ZFHX3: variants seen among roughly 807,000 people sequenced by gnomAD.
The protein encoded by ZFHX3 is zinc finger homeobox 3, also known as zinc finger homeobox protein 3.
In ZFHX3, 42 loss-of-function variants were observed where a neutral mutation model predicts 279.1. The ratio of observed to expected loss-of-function variants is 0.15; its 90% CI spans 0.12 to 0.19. The LOEUF (loss-of-function observed/expected upper bound fraction) is 0.19. Ranked by LOEUF, ZFHX3 falls within the 10% of genes least tolerant of loss-of-function variation. ZFHX3 has a pLI of 1.00. For missense variants in ZFHX3, 4,981 were observed against 4,754.0 expected, an observed-to-expected ratio of 1.05 and a Z score of -1.40; for synonymous variants, 2,293 against 1,957.8, an observed-to-expected ratio of 1.17 and a Z score of -4.52.
intron 1 of ZFHX3, among the ~76,000 whole-genome samples, chr16:73,767,312 T>C (rs915941251): frequency 6.6e-6 from 1 of 152,156 alleles, no homozygotes; most frequent in Admixed American, 6.5e-5. Context: ...TTGTCCATAA[T>C]AATGCTTTAT....
intron 4 of ZFHX3, among the ~76,000 whole-genome samples, chr16:73,304,655 G>C (rs2015137930): frequency 6.6e-6 from 1 of 152,292 alleles, no homozygotes; most frequent in Non-Finnish European, 1.5e-5. Context: ...AAAGCAGCAT[G>C]TCACTGCAAT....
chr16:73,782,305 C>T (rs1249412509), intron 1 of ZFHX3, among the ~76,000 whole-genome samples: 2 of 152,198 alleles, frequency 1.3e-5, no homozygotes, highest in African/African-American at 2.4e-5. Flanking sequence ...AGACCTCTAA[C>T]TTGTTTTAGG....
intron 1 of ZFHX3, among the ~76,000 whole-genome samples, chr16:73,737,865 A>G (rs1361642694): frequency 6.6e-6 from 1 of 152,142 alleles, no homozygotes; most frequent in Admixed American, 6.5e-5. Flanking sequence ...AAGAGATAAA[A>G]CTCAAATCAG....
chr16:72,998,103 C>CA (rs1963360264), intron 1 of ZFHX3, among the ~76,000 whole-genome samples: 1 of 151,686 alleles, frequency 6.6e-6, no homozygotes, highest in South Asian at 2.1e-4. Flanking sequence ...AACATAAAAA[C>CA]AAAAAAATAA....
At chr16:72,832,503 A>G (rs1267916488) in intron 4 of ZFHX3, among the ~76,000 whole-genome samples, 1 of 152,170 alleles carries the variant, frequency 6.6e-6, no homozygotes, top group Non-Finnish European at 1.5e-5. Flanking sequence ...TTTTAAAAAG[A>G]TTTACAAATC....
At chr16:73,195,086 C>T (rs184746679) in intron 5 of ZFHX3, among the ~76,000 whole-genome samples, 49 of 152,342 alleles carry the variant, frequency 3.2e-4, no homozygotes, top group Non-Finnish European at 5.4e-4. Context: ...TTTCAAGTCT[C>T]TCCAAATACC....
intron 3 of ZFHX3, among the ~76,000 whole-genome samples, chr16:72,932,545 G>A (rs1959874875): frequency 2.0e-5 from 3 of 150,722 alleles, no homozygotes; most frequent in African/African-American, 7.3e-5. Flanking sequence ...ACCTCCTTCA[G>A]ATGAGGCCAC....
intron 5 of ZFHX3, among the ~76,000 whole-genome samples, chr16:73,158,007 C>T (rs1434726248): frequency 6.7e-6 from 1 of 150,362 alleles, no homozygotes; most frequent in East Asian, 1.9e-4. Context: ...TGTTTGGATC[C>T]AGGAAAAAAA....
intron 3 of ZFHX3, among the ~76,000 whole-genome samples, chr16:73,334,690 C>T (rs1278210074): frequency 6.6e-6 from 1 of 151,864 alleles, no homozygotes; most frequent in East Asian, 1.9e-4. Flanking sequence ...GACAGACGCT[C>T]GGGGCAAGTG....
chr16:73,588,816 C>A (rs1263086796), intron 2 of ZFHX3, among the ~76,000 whole-genome samples: 2 of 151,644 alleles, frequency 1.3e-5, no homozygotes, highest in Admixed American at 6.6e-5. Flanking sequence ...CAAATAGTTT[C>A]TCTTTAACAA....
intron 3 of ZFHX3, among the ~76,000 whole-genome samples, chr16:73,386,525 C>T (rs1475288840): frequency 6.6e-6 from 1 of 152,062 alleles, no homozygotes; most frequent in African/African-American, 2.4e-5. Flanking sequence ...ACGGACATAA[C>T]ATTAATATTG....
Position 73,620,452 on chromosome 16 carries a change from C to A in ZFHX3, c.-1547+59728G>T, listed in dbSNP as rs186622675. The stretch of plus-strand genomic sequence containing the variant: ...CCTTTGGTTTAAAGTAATCATGAAG[C>A]TTCAGTGGCTGTCAGGGGTGGAGGG... On this transcript the variant is annotated intron_variant, in intron 2 of 17. Coordinates refer to the ZFHX3 transcript ENST00000641206. 6.7e-4 allele frequency among the ~76,000 whole-genome samples: 102 copies of A among 152,336 alleles called. 1 individual carries two copies. Among genetic ancestry groups the A allele is most frequent in the Admixed American group, 3.9e-3 (60 of 15,300 alleles).
chr16:72,940,182 T>G (rs1310431201), intron 3 of ZFHX3, among the ~76,000 whole-genome samples: 2 of 152,086 alleles, frequency 1.3e-5, no homozygotes, highest in Non-Finnish European at 2.9e-5. Context: ...TGTGTTGAGT[T>G]TACAGGTGTG....
At chr16:73,468,091 C>T (rs2018603143) in intron 2 of ZFHX3, among the ~76,000 whole-genome samples, 1 of 152,192 alleles carries the variant, frequency 6.6e-6, no homozygotes, top group Non-Finnish European at 1.5e-5. Context: ...GTCAGACAGT[C>T]CCAAACAACT....
chr16:73,613,137 G>T (rs908480338), intron 2 of ZFHX3, among the ~76,000 whole-genome samples: 3 of 152,162 alleles, frequency 2.0e-5, no homozygotes, highest in African/African-American at 7.2e-5. Flanking sequence ...GATTTTAGAA[G>T]ATTAATATTG....
intron 3 of ZFHX3, among the ~76,000 whole-genome samples, chr16:73,363,112 A>G (rs998936445): frequency 2.0e-5 from 3 of 152,290 alleles, no homozygotes; most frequent in African/African-American, 7.2e-5. Context: ...GCCAGGCCAC[A>G]CGGAATAGAA....
At chr16:73,576,359 A>G (rs1014882008) in intron 2 of ZFHX3, among the ~76,000 whole-genome samples, 3 of 152,202 alleles carry the variant, frequency 2.0e-5, no homozygotes, top group Admixed American at 1.3e-4. Context: ...GGGCTGTGCA[A>G]TGGTAGCTGG....
intron 3 of ZFHX3, among the ~76,000 whole-genome samples, chr16:72,934,417 G>C (rs963042473): frequency 6.6e-6 from 1 of 152,184 alleles, no homozygotes; most frequent in African/African-American, 2.4e-5. Context: ...GACAAGGCGA[G>C]ACTCTCTCAA....
At chr16:73,732,848 G>C (rs985620803) in intron 1 of ZFHX3, among the ~76,000 whole-genome samples, 8 of 152,146 alleles carry the variant, frequency 5.3e-5, no homozygotes, top group Non-Finnish European at 8.8e-5. Flanking sequence ...GCCTTTGCTG[G>C]TTTCTTGTGT....
Sources: gnomAD v4.1 joint callset for allele counts (sites outside exome capture counted in the v4.1 genomes callset) on GRCh38, gnomAD v4.1.1 for gene constraint, MANE v1.5 for transcripts, NCBI Gene and HGNC (gene_info 2026-07-23, HGNC 2026-07-21) for gene names.